ST14: variants seen among roughly 807,000 people sequenced by gnomAD.
ST14 encodes the protein suppressor of tumorigenicity 14 protein.
ST14 carries 40 observed loss-of-function variants against 96.5 expected under a neutral mutation model. The ratio of observed to expected loss-of-function variants is 0.41; its 90% confidence interval spans 0.32 to 0.54. The LOEUF (loss-of-function observed/expected upper bound fraction) is 0.54, where lower values mean the gene tolerates loss of function less well. ST14 is among the 20% of genes least tolerant of loss of function. The pLI, the probability that ST14 is intolerant of heterozygous loss-of-function variation, is 0.17. For missense variants in ST14, 1,066 were observed against 1,188.9 expected, an observed-to-expected ratio of 0.90 and a Z score of 1.52; for synonymous variants, 506 against 492.1, an observed-to-expected ratio of 1.03 and a Z score of -0.37.
chr11:130,189,683 G>T (rs555005936), intron 4 of ST14, 56 bp from the exon 5 acceptor site: 3 of 1,598,874 alleles, frequency 1.9e-6, no homozygotes, highest in African/African-American at 2.7e-5. Context: ...CGCTCTGGGC[G>T]CACGTGGGGG....
chr11:130,209,583 C>T lies in ST14; in HGVS notation c.2406+5C>T, dbSNP rs2136222472. On this transcript the variant is annotated splice_donor_5th_base_variant and intron_variant, in intron 18 of 18. Coordinates refer to ENST00000278742, the MANE Select transcript of ST14 (RefSeq NM_021978.4). Reference sequence around the variant, plus strand: ...GGCGGCGTGGACTCCTGCCAGGTGGCCCCCGGGGCAGGAGGGCGGCAGGTG... The same window carrying T: ...GGCGGCGTGGACTCCTGCCAGGTGGTCCCCGGGGCAGGAGGGCGGCAGGTG... 2 of 1,578,786 alleles carry T rather than the reference C, an allele frequency of 1.3e-6. No individual in the cohort carries two copies. Among genetic ancestry groups the T allele is most frequent in the Non-Finnish European group, 1.7e-6 (2 of 1,162,686 alleles).
At chr11:130,192,687 C>A (rs956652946) in intron 7 of ST14, among the ~76,000 whole-genome samples, 1 of 152,206 alleles carries the variant, frequency 6.6e-6, no homozygotes, top group South Asian at 2.1e-4. Flanking sequence ...CCACAGCACC[C>A]GGCCAAATTT....
chr11:130,173,700 T>C (rs1374339155), intron 1 of ST14, among the ~76,000 whole-genome samples: 1 of 152,150 alleles, frequency 6.6e-6, no homozygotes, highest in Non-Finnish European at 1.5e-5. Flanking sequence ...GGCAGGTCTT[T>C]CCAGGATCCC....
chr11:130,161,606 C>T (rs538352118), intron 1 of ST14, among the ~76,000 whole-genome samples: 4 of 152,334 alleles, frequency 2.6e-5, no homozygotes, highest in Middle Eastern at 3.4e-3. Context: ...CCACATTCAG[C>T]GGACTTGTCT....
intron 1 of ST14, among the ~76,000 whole-genome samples, chr11:130,168,326 G>C (rs1591876841): frequency 6.6e-6 from 1 of 152,312 alleles, no homozygotes; most frequent in Middle Eastern, 3.4e-3. Flanking sequence ...ATGACTAAGG[G>C]TGAGATGGAA....
intron 1 of ST14, among the ~76,000 whole-genome samples, chr11:130,172,995 C>T (rs1953106733): frequency 6.6e-6 from 1 of 152,174 alleles, no homozygotes; most frequent in Non-Finnish European, 1.5e-5. Context: ...TCTTTCCTTT[C>T]TGGGGAGCTG....
chr11:130,160,142 C>A lies in ST14; in HGVS notation c.81+82C>A. On this transcript the variant is annotated intron_variant, in intron 1 of 18. Coordinates refer to ENST00000278742, the MANE Select transcript of ST14 (RefSeq NM_021978.4). ...AGCGCGGCGCTGGGCTCGGCCGGCT[C>A]CCCTGGCGTGTCCGTCGGTGGCCGA... The A allele has an allele frequency of 7.0e-6, 7 of 1,004,750 alleles. No homozygotes were observed. The South Asian group carries it at 1.5e-4, about 21-fold the overall frequency. The allele number at this position is 1,004,750 out of a possible 1,614,324, so 62.2% of individuals were successfully genotyped here. A position where few individuals can be genotyped will look rare whatever the true frequency, so the allele number is the denominator to read the frequency against.
At chr11:130,178,474 G>T (rs1293221674) in intron 1 of ST14, among the ~76,000 whole-genome samples, 1 of 102,006 alleles carries the variant, frequency 9.8e-6, no homozygotes, top group Admixed American at 8.2e-5. Context: ...GGGCTGCGTG[G>T]GGAGGGCCCT....
intron 16 of ST14, among the ~76,000 whole-genome samples, chr11:130,206,806 G>A (rs1212401604): frequency 1.3e-5 from 2 of 152,042 alleles, no homozygotes; most frequent in Non-Finnish European, 2.9e-5. Context: ...AACCTCAGGC[G>A]ATCCACCCAC....
intron 4 of ST14, 43 bp from the exon 5 acceptor site, chr11:130,189,696 A>G (rs1565623673): frequency 1.9e-6 from 3 of 1,602,850 alleles, no homozygotes; most frequent in Middle Eastern, 1.7e-4. Flanking sequence ...CGTGGGGGAA[A>G]TGGGGCCCAG....
chr11:130,198,391 G>A lies in ST14; in HGVS notation c.1543G>A (p.Gly515Arg), dbSNP rs143333821. 6.8e-6 allele frequency: 11 copies of A among 1,614,090 alleles called. No homozygotes were observed. The highest frequency in any genetic ancestry group is 1.3e-5 in the African/African-American group (1 of 74,926). The stretch of plus-strand genomic sequence containing the variant: ...GGTCTGCGACAGTGTGAACGACTGC[G>A]GAGACAACAGCGACGAGCAGGGGTG... ...FWVCDSVNDCGDNSDEQGCSC... is the reference protein window; with the variant it reads ...FWVCDSVNDCRDNSDEQGCSC... The change falls in exon 13 of 19, where the codon GGA becomes AGA. Residue 515 changes from glycine to arginine, a missense_variant. Transcript: ENST00000278742.
In ST14 at chr11:130,198,515, G is replaced by A. The variant is rs754382866; in HGVS notation, c.1578G>A (p.Pro526=). The change falls in exon 14 of 19, where the codon CCG becomes CCA. Residue 526 remains proline (P), a synonymous_variant. Transcript: ENST00000278742. Reference sequence around the variant, plus strand: ...GTCCTGGTGCCTCTCCAGGTTGTCCGGCCCAGACCTTCAGGTGTTCCAATG... The same window carrying A: ...GTCCTGGTGCCTCTCCAGGTTGTCCAGCCCAGACCTTCAGGTGTTCCAATG... ...DNSDEQGCSC[P]AQTFRCSNGK... 15 of 1,613,922 alleles carry A rather than the reference G, an allele frequency of 9.3e-6. No homozygotes were observed. The highest frequency in any genetic ancestry group is 1.3e-5 in the African/African-American group (1 of 74,914).
In ST14 at chr11:130,188,979, C is replaced by T. The variant is rs968693037; in HGVS notation, c.440+40C>T. The T allele has an allele frequency of 1.3e-6, 2 of 1,583,226 alleles. No homozygotes were observed. The highest frequency in any genetic ancestry group is 1.7e-6 in the Non-Finnish European group (2 of 1,162,800). The stretch of plus-strand genomic sequence containing the variant: ...AAGGCTCAGTGGGATGCACCCCAGA[C>T]TGGCTGGGAGTAGGATCGGGGTACA... On this transcript the variant is annotated intron_variant, in intron 4 of 18. Coordinates refer to ENST00000278742, the MANE Select transcript of ST14 (RefSeq NM_021978.4). This position sits in a 1 kb window ranked among gnomAD's most constrained non-coding sequence, Gnocchi z 5.4.
rs1274204334 is a variant in ST14, at chr11:130,188,996, C to T, written c.440+57C>T. 7.8e-6 allele frequency: 12 copies of T among 1,547,334 alleles called. No homozygotes were observed. The East Asian group carries it at 9.2e-5, about 12-fold the overall frequency. On this transcript the variant is annotated intron_variant, in intron 4 of 18. Transcript: ENST00000278742. This position sits in a 1 kb window ranked among gnomAD's most constrained non-coding sequence, Gnocchi z 5.4. The stretch of plus-strand genomic sequence containing the variant: ...ACCCCAGACTGGCTGGGAGTAGGAT[C>T]GGGGTACAGTGTGTGGGGCAGGAAG...
intron 16 of ST14, among the ~76,000 whole-genome samples, chr11:130,202,877 T>C (rs1212431689): frequency 1.3e-5 from 2 of 152,164 alleles, no homozygotes; most frequent in African/African-American, 4.8e-5. Context: ...TGTGTCAGCA[T>C]CGAGAATTGT....
chr11:130,162,794 T>G (rs560209628), intron 1 of ST14, among the ~76,000 whole-genome samples: 1 of 152,246 alleles, frequency 6.6e-6, no homozygotes, highest in Non-Finnish European at 1.5e-5. Flanking sequence ...ATGCACTGGG[T>G]GAGCACATGG....
intron 16 of ST14, among the ~76,000 whole-genome samples, chr11:130,206,195 C>T (rs141258547): frequency 3.9e-4 from 60 of 152,214 alleles, no homozygotes; most frequent in African/African-American, 1.4e-3. Flanking sequence ...TGGGTTTTCC[C>T]GACTGTGTTT....
chr11:130,174,971 G>A (rs961550726), intron 1 of ST14, among the ~76,000 whole-genome samples: 4 of 152,118 alleles, frequency 2.6e-5, no homozygotes, highest in Non-Finnish European at 5.9e-5. Context: ...GTTACCTTAT[G>A]GGTACCTGAT....
Position 130,159,881 on chromosome 11 carries a change from T to C in ST14, c.-99T>C, listed in dbSNP as rs557297593. On this transcript the variant is annotated 5_prime_UTR_variant, in exon 1 of 19. Transcript: ENST00000278742. ...TCGGGCGCGCTGGGCCTGCCCGGAA[T>C]CCCGCCGCCTGCGCCCCGCGCCCCG... 3.9e-3 allele frequency: 2,548 copies of C among 656,252 alleles called. 9 individuals are homozygous for C. The highest frequency in any genetic ancestry group is 0.021 in the African/African-American group (1,081 of 51,662). The allele number at this position is 656,252 out of a possible 1,614,324, so 40.7% of individuals were successfully genotyped here. A position where few individuals can be genotyped will look rare whatever the true frequency, so the allele number is the denominator to read the frequency against.
Sources: allele counts gnomAD v4.1 joint callset (sites outside exome capture counted in the v4.1 genomes callset), GRCh38; gene constraint gnomAD v4.1.1; non-coding constraint Gnocchi (gnomAD v3.1); transcripts MANE v1.5; gene names NCBI Gene and HGNC (gene_info 2026-07-23, HGNC 2026-07-21).